WWOX: variants seen among roughly 807,000 people sequenced by gnomAD.
WWOX encodes WW domain-containing oxidoreductase.
WWOX carries 69 observed loss-of-function variants against 46.2 expected under a neutral mutation model. The observed-to-expected ratio is 1.49, with a 90% CI of 1.23 to 1.82. The LOEUF (loss-of-function observed/expected upper bound fraction) is 1.82, where lower values mean the gene tolerates loss of function less well. Among genes scored for constraint, WWOX ranks in the 40% most tolerant of loss-of-function variants. WWOX has a pLI of 0.00. For missense variants in WWOX, 919 were observed against 542.6 expected (o/e 1.69, Z -6.89); for synonymous variants, 359 against 202.6 (o/e 1.77, Z -6.56).
intron 8 of WWOX, among the ~76,000 whole-genome samples, chr16:78,608,428 T>C (rs2045816574): frequency 6.6e-6 from 1 of 152,240 alleles, no homozygotes; most frequent in Non-Finnish European, 1.5e-5. Flanking sequence ...TACTCTGTGC[T>C]CTTGCCCCAG....
chr16:78,524,387 CATTTATTTATTT>C lies in WWOX; in HGVS notation c.1056+91644_1056+91655del, dbSNP rs932217035. On this transcript the variant is annotated intron_variant, in intron 8 of 8. Coordinates refer to ENST00000566780, the MANE Select transcript of WWOX (RefSeq NM_016373.4). Reference sequence around the variant, plus strand: ...GTAAAGTTTAGTTGACTAGAGATTTCATTTATTTATTTATTTATTTGTTTATTTATTTATTTA... The same window carrying C: ...GTAAAGTTTAGTTGACTAGAGATTTCATTTATTTGTTTATTTATTTATTTA... Among the ~76,000 whole-genome samples the C allele has an allele frequency of 1.7e-4, 16 of 95,164 alleles. No homozygotes were observed. In the Admixed American group the frequency reaches 1.8e-3, roughly 11 times the overall value. The allele number at this position is 95,164 out of a possible 152,430, so 62.4% of individuals were successfully genotyped here.
chr16:78,784,604 A>G (rs1187303139), intron 8 of WWOX, among the ~76,000 whole-genome samples: 1 of 152,198 alleles, frequency 6.6e-6, no homozygotes, highest in Non-Finnish European at 1.5e-5. Flanking sequence ...TGTTTTAAAG[A>G]TTAAATGAGA....
rs1046095424 is a variant in WWOX, at chr16:78,560,370, C to G, written c.1056+127618C>G. On this transcript the variant is annotated intron_variant, in intron 8 of 8. Coordinates refer to ENST00000566780, the MANE Select transcript of WWOX (RefSeq NM_016373.4). ...CAAGAATAACATTAGTGGCCAGGTGCGGTGGCTCACGCCTGTAATCCCAGC... is the reference window on the plus strand; with the variant it reads ...CAAGAATAACATTAGTGGCCAGGTGGGGTGGCTCACGCCTGTAATCCCAGC... Among the ~76,000 whole-genome samples, 5 of 152,238 alleles carry G rather than the reference C, an allele frequency of 3.3e-5. No individual in the cohort carries two copies. The South Asian group carries it at 1.0e-3, about 32-fold the overall frequency.
intron 8 of WWOX, among the ~76,000 whole-genome samples, chr16:79,143,403 T>A (rs1158851622): frequency 1.3e-5 from 2 of 152,228 alleles, no homozygotes; most frequent in Non-Finnish European, 2.9e-5. Context: ...TCAATCATTG[T>A]AACAGCTGCA....
At chr16:79,111,511 A>C (rs542222879) in intron 8 of WWOX, among the ~76,000 whole-genome samples, 2 of 152,230 alleles carry the variant, frequency 1.3e-5, no homozygotes, top group African/African-American at 4.8e-5. Context: ...TTTTAAATTC[A>C]TAATGAATAG....
At chr16:79,088,707 A>G (rs189515432) in intron 8 of WWOX, among the ~76,000 whole-genome samples, 137 of 152,218 alleles carry the variant, frequency 9.0e-4, no homozygotes, top group African/African-American at 3.3e-3. Flanking sequence ...TGTGGTCCAT[A>G]TTGAGAACCG....
chr16:79,188,678 G>C (rs944590682), intron 8 of WWOX, among the ~76,000 whole-genome samples: 1 of 152,216 alleles, frequency 6.6e-6, no homozygotes, highest in Admixed American at 6.5e-5. Context: ...GTGCTGGGTT[G>C]GGTCCTCCAA....
At chr16:78,650,229 G>C (rs900749189) in intron 8 of WWOX, among the ~76,000 whole-genome samples, 1 of 152,172 alleles carries the variant, frequency 6.6e-6, no homozygotes, top group African/African-American at 2.4e-5. Context: ...ACTACATACA[G>C]TGACCATAGT....
intron 8 of WWOX, among the ~76,000 whole-genome samples, chr16:78,594,889 C>T (rs2045450021): frequency 6.6e-6 from 1 of 152,178 alleles, no homozygotes. Context: ...GCAGCCTATG[C>T]ATATTGCAAG....
chr16:78,436,594 A>C (rs950650587), intron 8 of WWOX, among the ~76,000 whole-genome samples: 1 of 152,204 alleles, frequency 6.6e-6, no homozygotes, highest in Non-Finnish European at 1.5e-5. Flanking sequence ...TTGATACAGA[A>C]GTTATTGAGG....
chr16:78,883,271 C>G (rs2044382069), intron 8 of WWOX, among the ~76,000 whole-genome samples: 2 of 151,844 alleles, frequency 1.3e-5, no homozygotes, highest in South Asian at 2.1e-4. Flanking sequence ...TCTGGACCCT[C>G]TCTCTCATCA....
intron 8 of WWOX, among the ~76,000 whole-genome samples, chr16:79,070,963 G>A (rs2048539077): frequency 6.6e-6 from 1 of 152,140 alleles, no homozygotes; most frequent in African/African-American, 2.4e-5. Flanking sequence ...TTCTTACTAT[G>A]TCCCTCCCTA....
In WWOX at chr16:78,993,844, C is replaced by G. The variant is rs77776846; in HGVS notation, c.1057-217764C>G. 4.8e-3 allele frequency among the ~76,000 whole-genome samples: 729 copies of G among 152,330 alleles called. 5 individuals are homozygous for G. The highest frequency in any genetic ancestry group is 8.5e-3 in the Non-Finnish European group (579 of 68,040). ...TGCAAGAAGCCAAGACGCCTGTTCT[C>G]CACGGCGGAGCCCGCTGGTCGGTCA... On this transcript the variant is annotated intron_variant, in intron 8 of 8. Coordinates refer to ENST00000566780, the MANE Select transcript of WWOX (RefSeq NM_016373.4).
chr16:79,037,972 A>T (rs2047900438), intron 8 of WWOX, among the ~76,000 whole-genome samples: 1 of 152,010 alleles, frequency 6.6e-6, no homozygotes, highest in Non-Finnish European at 1.5e-5. Context: ...CCTCCCCTAC[A>T]TAACCAGAAA....
intron 6 of WWOX, among the ~76,000 whole-genome samples, chr16:78,401,130 C>G (rs1011542547): frequency 2.6e-5 from 4 of 152,106 alleles, no homozygotes; most frequent in African/African-American, 9.7e-5. Context: ...TTGTTTTTTT[C>G]TTTGAAGAGA....
chr16:78,980,481 C>T (rs969146208), intron 8 of WWOX, among the ~76,000 whole-genome samples: 10 of 152,244 alleles, frequency 6.6e-5, no homozygotes, highest in East Asian at 1.9e-4. Flanking sequence ...TTAATTGTGC[C>T]GCAGTTAATT....
chr16:79,198,325 G>A (rs772487767), intron 8 of WWOX, among the ~76,000 whole-genome samples: 1 of 152,126 alleles, frequency 6.6e-6, no homozygotes, highest in East Asian at 1.9e-4. Flanking sequence ...GTGAGAGACA[G>A]ACTGTCTCAA....
chr16:78,251,798 C>G (rs371652341), intron 5 of WWOX, among the ~76,000 whole-genome samples: 206 of 152,292 alleles, frequency 1.4e-3, no homozygotes, highest in African/African-American at 4.6e-3. Context: ...TCTCCCTACT[C>G]CCCACCCACT....
chr16:78,268,985 A>G (rs1247207074), intron 5 of WWOX: 1 of 152,194 alleles, frequency 6.6e-6, no homozygotes, highest in African/African-American at 2.4e-5. Flanking sequence ...ATATAGATGT[A>G]CACATATATA....
Sources: allele counts gnomAD v4.1 joint callset (sites outside exome capture counted in the v4.1 genomes callset), GRCh38; gene constraint gnomAD v4.1.1; transcripts MANE v1.5; gene names NCBI Gene and HGNC (gene_info 2026-07-23, HGNC 2026-07-21).